Variants in GET3 observed in about 807,000 individuals in gnomAD.
GET3 encodes the protein guided entry of tail-anchored proteins factor 3, ATPase, also known as ATPase GET3.
In GET3, 15 loss-of-function variants were observed where a neutral mutation model predicts 32.4. That is an observed-to-expected ratio of 0.46 (90% CI 0.31 to 0.71). The LOEUF is 0.71. GET3 is among the 30% of genes least tolerant of loss of function. The probability of loss-of-function intolerance (pLI) is 0.05; values close to 1 mark genes in which losing one functional copy is unlikely to be tolerated. For synonymous variants in GET3, 198 were observed against 185.6 expected (o/e 1.07, Z -0.54); for missense variants, 333 against 459.0 (o/e 0.73, Z 2.51).
intron 1 of GET3, among the ~76,000 whole-genome samples, 184 bp from the exon 2 acceptor site, chr19:12,738,327 G>C (rs968266501): frequency 6.6e-6 from 1 of 152,122 alleles, no homozygotes. Flanking sequence ...GAGGGGTCAG[G>C]AGATAAATCA....
intron 2 of GET3, among the ~76,000 whole-genome samples, chr19:12,739,977 C>T (rs941833986): frequency 2.0e-5 from 3 of 151,632 alleles, no homozygotes; most frequent in Non-Finnish European, 4.4e-5. Context: ...ACCCAGGAAG[C>T]AGAGATTCTC....
rs757147947 is a variant in GET3, at chr19:12,738,521, G to A, written c.172G>A (p.Ala58Thr). 1 of 1,614,032 alleles carries A rather than the reference G, an allele frequency of 6.2e-7. No homozygotes were observed. Among genetic ancestry groups the A allele is most frequent in the African/African-American group, 1.3e-5 (1 of 75,016 alleles). ...TTTTCCATTACTCAGCTGCAGCCTG[G>A]CAGTCCAGCTCTCCAAGGGGCGTGA... Reference protein sequence around the residue: ...VGKTTCSCSLAVQLSKGRESV... With the variant: ...VGKTTCSCSLTVQLSKGRESV... Residue 58 changes from alanine to threonine, a missense_variant, in exon 2 of 7, where the codon GCA becomes ACA. This residue lies in a region of GET3 where 230 missense variants were observed against 389.2 expected (regional missense o/e 0.59). Transcript: ENST00000357332.
chr19:12,747,755 C>T lies in GET3; in HGVS notation c.915+163C>T, dbSNP rs115857333. 6.1e-3 allele frequency among the ~76,000 whole-genome samples: 933 copies of T among 152,292 alleles called. 12 individuals carry two copies. The highest frequency in any genetic ancestry group is 0.021 in the African/African-American group (888 of 41,538). ...TCCGGCCATAGAGGACTGTGGCTGGCCTGGCCTAGGTCCCTGTGACCCTGG... is the reference window on the plus strand; with the variant it reads ...TCCGGCCATAGAGGACTGTGGCTGGTCTGGCCTAGGTCCCTGTGACCCTGG... On this transcript the variant is annotated intron_variant, in intron 6 of 6. Coordinates refer to ENST00000357332, the MANE Select transcript of GET3 (RefSeq NM_004317.4). The surrounding 1 kb of genome is among the most constrained non-coding windows in gnomAD (Gnocchi z 4.0).
intron 2 of GET3, among the ~76,000 whole-genome samples, chr19:12,743,722 CTTTTT>C (rs776785337): frequency 0.012 from 837 of 70,296 alleles, 4 homozygotes; most frequent in African/African-American, 0.06. Context: ...GACTCCATCT[CTTTTT>C]TTTTTTTTTT....
chr19:12,738,760 C>T, intron 2 of GET3, 102 bp downstream of exon 2: 4 of 1,431,806 alleles, frequency 2.8e-6, no homozygotes, highest in Admixed American at 4.1e-5. Context: ...ACTCTATATC[C>T]TGTGTCTCTC....
chr19:12,747,683 C>A lies in GET3; in HGVS notation c.915+91C>A. 1 of 1,438,068 alleles carries A rather than the reference C, an allele frequency of 7.0e-7. No homozygotes were observed. The highest frequency in any genetic ancestry group is 9.4e-7 in the Non-Finnish European group (1 of 1,062,062). 89.1% of individuals were successfully genotyped at this position (1,438,068 alleles called of 1,614,324 possible). A position where few individuals can be genotyped will look rare whatever the true frequency, so the allele number is the denominator to read the frequency against. On this transcript the variant is annotated intron_variant, in intron 6 of 6. Transcript: ENST00000357332. This position sits in a 1 kb window ranked among gnomAD's most constrained non-coding sequence, Gnocchi z 4.0. The stretch of plus-strand genomic sequence containing the variant: ...GCTCCACCATCTGGCCCTCTGCCCT[C>A]TAGCCTCCTGCCCTTTGCCCCCACA...
Position 12,745,708 on chromosome 19 carries a change from C to T in GET3, c.558C>T (p.Gly186=), listed in dbSNP as rs778337395. ...LLNFPTIVER[G]LGRLMQIKNQ... is the part of the protein sequence containing the mutation. The stretch of plus-strand genomic sequence containing the variant: ...ACTTCCCCACCATCGTGGAGCGGGG[C>T]CTGGGCCGGCTTATGCAGATCAAGA... Residue 186 remains glycine (G), a synonymous_variant, in exon 4 of 7, where the codon GGC becomes GGT. Transcript: ENST00000357332. This position sits in a 1 kb window ranked among gnomAD's most constrained non-coding sequence, Gnocchi z 5.0. 6.2e-7 allele frequency: 1 copy of T among 1,612,856 alleles called. No homozygotes were observed. Among genetic ancestry groups the T allele is most frequent in the Non-Finnish European group, 8.5e-7 (1 of 1,179,942 alleles).
At chr19:12,737,492 G>A, upstream of GET3, 1 of 1,525,530 alleles carries the variant, frequency 6.6e-7, no homozygotes. Context: ...TGGATCACGT[G>A]AGCCAGTTCC....
intron 2 of GET3, among the ~76,000 whole-genome samples, chr19:12,740,511 C>G (rs927027485): frequency 6.6e-6 from 1 of 151,216 alleles, no homozygotes; most frequent in African/African-American, 2.4e-5. Context: ...CTCATCTCTA[C>G]TAAAAATACA....
Position 12,747,999 on chromosome 19 carries a change from C to A in GET3, c.942C>A (p.His314Gln). The change falls in exon 7 of 7, where the codon CAC (histidine) becomes CAA (glutamine). Residue 314 changes from histidine to glutamine, a missense_variant. Transcript: ENST00000357332. The surrounding 1 kb of genome is among the most constrained non-coding windows in gnomAD (Gnocchi z 4.0). ...DQMEDLYEDFHIVKLPLLPHE... is the reference protein window; with the variant it reads ...DQMEDLYEDFQIVKLPLLPHE... ...TGGAGGACCTGTATGAAGACTTCCA[C>A]ATCGTGAAGCTGCCGCTGTTACCCC... 6.2e-7 allele frequency: 1 copy of A among 1,610,112 alleles called. No homozygotes were observed. The highest frequency in any genetic ancestry group is 8.5e-7 in the Non-Finnish European group (1 of 1,177,278).
Position 12,747,974 on chromosome 19 carries a change from T to C in GET3, c.917T>C (p.Met306Thr), listed in dbSNP as rs758067257. ...HKIQAKYLDQ[M>T]EDLYEDFHIV... ...TTCTACCCTCTGCCCTGGCTGCAGA[T>C]GGAGGACCTGTATGAAGACTTCCAC... Residue 306 changes from methionine (M) to threonine (T), a missense_variant and splice_region_variant, in exon 7 of 7, where the codon ATG becomes ACG. Physicochemically the swap from Met to Thr is moderately conservative, Grantham distance 81. Coordinates refer to ENST00000357332, the MANE Select transcript of GET3 (RefSeq NM_004317.4). This position sits in a 1 kb window ranked among gnomAD's most constrained non-coding sequence, Gnocchi z 4.0. The C allele has an allele frequency of 1.3e-6, 2 of 1,596,638 alleles. No individual in the cohort carries two copies. Among genetic ancestry groups the C allele is most frequent in the Non-Finnish European group, 1.7e-6 (2 of 1,168,036 alleles).
chr19:12,741,276 G>A (rs971914299), intron 2 of GET3, among the ~76,000 whole-genome samples: 2 of 151,768 alleles, frequency 1.3e-5, no homozygotes, highest in African/African-American at 4.8e-5. Flanking sequence ...CTAACAGGGT[G>A]AAACCCCATC....
intron 2 of GET3, among the ~76,000 whole-genome samples, chr19:12,739,417 C>T (rs8177474): frequency 2.6e-5 from 4 of 152,234 alleles, no homozygotes; most frequent in South Asian, 2.1e-4. Flanking sequence ...CTGACTGCCT[C>T]GGCCTCCCAC....
At chr19:12,746,290 G>A (rs571405521) in intron 4 of GET3, among the ~76,000 whole-genome samples, 1 of 152,256 alleles carries the variant, frequency 6.6e-6, no homozygotes, top group African/African-American at 2.4e-5. Flanking sequence ...GTACCACCAT[G>A]CCCAGCTAAT....
chr19:12,739,357 G>T (rs944055487), intron 2 of GET3, among the ~76,000 whole-genome samples: 1 of 152,060 alleles, frequency 6.6e-6, no homozygotes, highest in Admixed American at 6.6e-5. Context: ...TAGGAGACAG[G>T]TTTTCACCAT....
Position 12,747,893 on chromosome 19 carries a change from T to C in GET3, c.916-80T>C. The C allele has an allele frequency of 1.4e-6, 2 of 1,432,612 alleles. No individual in the cohort carries two copies. Among genetic ancestry groups the C allele is most frequent in the Non-Finnish European group, 1.9e-6 (2 of 1,053,012 alleles). 88.7% of individuals were successfully genotyped at this position (1,432,612 alleles called of 1,614,324 possible). Reference sequence around the variant, plus strand: ...CCTGACTCTGGAAGCTTTCTAGCTTTACCGCTTCTATTGATCCACACTCTG... The same window carrying C: ...CCTGACTCTGGAAGCTTTCTAGCTTCACCGCTTCTATTGATCCACACTCTG... On this transcript the variant is annotated intron_variant, in intron 6 of 6. Transcript: ENST00000357332. The surrounding 1 kb of genome is among the most constrained non-coding windows in gnomAD (Gnocchi z 4.0).
chr19:12,745,524 A>G lies in GET3; in HGVS notation c.457A>G (p.Arg153Gly). 6.2e-7 allele frequency: 1 copy of G among 1,612,944 alleles called. No individual in the cohort carries two copies. The highest frequency in any genetic ancestry group is 8.5e-7 in the Non-Finnish European group (1 of 1,179,996). The part of the protein sequence containing the change: ...DEAMSYAEVM[R>G]LVKGMNFSVV... ...GGCCATGAGCTATGCCGAGGTCATG[A>G]GGTCAGGCCCAGCCAGCAGGGGTGG... The change falls in exon 3 of 7, where the codon AGG (arginine) becomes GGG (glycine). Residue 153 changes from arginine (R) to glycine (G), a missense_variant and splice_region_variant. Physicochemically the swap from Arg to Gly is moderately radical, Grantham distance 125 (BLOSUM62 -2). Coordinates refer to ENST00000357332, the MANE Select transcript of GET3 (RefSeq NM_004317.4). This position sits in a 1 kb window ranked among gnomAD's most constrained non-coding sequence, Gnocchi z 5.0.
At chr19:12,746,565 A>G (rs1967775282) in intron 4 of GET3, among the ~76,000 whole-genome samples, 1 of 152,254 alleles carries the variant, frequency 6.6e-6, no homozygotes, top group Non-Finnish European at 1.5e-5. Context: ...CTCAGGTGGT[A>G]ACACTGAGCA....
At position 12,738,595 on chromosome 19, in the gene GET3, T is replaced by C. The variant is rs1046975526; in HGVS notation, c.246T>C (p.Ala82=). ...STDPAHNISD[A]FDQKFSKVPT... is the part of the protein sequence containing the mutation. ...ACCCAGCACACAACATCTCAGATGC[T>C]TTTGACCAGAAGTTCTCAAAGGTGC... Residue 82 remains alanine (A), a synonymous_variant, in exon 2 of 7, where the codon GCT becomes GCC. Coordinates refer to ENST00000357332, the MANE Select transcript of GET3 (RefSeq NM_004317.4). 11 of 1,614,094 alleles carry C rather than the reference T, an allele frequency of 6.8e-6. No individual in the cohort carries two copies. In the African/African-American group the frequency reaches 1.2e-4, roughly 18 times the overall value.
Sources: gnomAD v4.1 joint callset for allele counts (sites outside exome capture counted in the v4.1 genomes callset) on GRCh38, gnomAD v4.1.1 for gene constraint, gnomAD v4.1.1 regional missense constraint, Gnocchi (gnomAD v3.1) non-coding constraint, MANE v1.5 for transcripts, NCBI Gene and HGNC (gene_info 2026-07-23, HGNC 2026-07-21) for gene names.